ADGRG7: variants seen among roughly 807,000 people sequenced by gnomAD.
The protein encoded by ADGRG7 is G-protein coupled receptor 128.
A neutral mutation model predicts 88.6 loss-of-function variants in ADGRG7; 82 were observed. The ratio of observed to expected loss-of-function variants is 0.93; its 90% CI spans 0.77 to 1.11. ADGRG7 has a LOEUF of 1.11. Among genes scored for constraint, ADGRG7 ranks in the 50% most tolerant of loss-of-function variants. The pLI is 0.00. For missense variants in ADGRG7, 945 were observed against 953.4 expected (o/e 0.99, Z 0.12); for synonymous variants, 381 against 345.2 (o/e 1.10, Z -1.15).
chr3:100,692,385 C>A (rs2094995343), intron 15 of ADGRG7, among the ~76,000 whole-genome samples: 2 of 152,118 alleles, frequency 1.3e-5, no homozygotes, highest in Non-Finnish European at 2.9e-5. Flanking sequence ...TCTGACATTG[C>A]CAATTGATCC....
At chr3:100,651,475 T>C (rs902331178) in intron 11 of ADGRG7, among the ~76,000 whole-genome samples, 5 of 152,132 alleles carry the variant, frequency 3.3e-5, no homozygotes, top group African/African-American at 1.2e-4. Flanking sequence ...ATCAGATTTT[T>C]TTCCTCTTTC....
intron 14 of ADGRG7, chr3:100,665,531 G>A (rs1463145513): frequency 2.3e-6 from 1 of 441,222 alleles, no homozygotes; most frequent in Non-Finnish European, 4.5e-6. Flanking sequence ...TTTTCTAGTG[G>A]GACTATATCT....
chr3:100,669,186 A>C, intron 15 of ADGRG7, 81 bp downstream of exon 15: 1 of 1,206,682 alleles, frequency 8.3e-7, no homozygotes, highest in Non-Finnish European at 1.1e-6. Flanking sequence ...CCTTTAAGAG[A>C]CTATTTTAAA....
chr3:100,623,598 T>C (rs1189392417), intron 1 of ADGRG7, among the ~76,000 whole-genome samples: 1 of 152,204 alleles, frequency 6.6e-6, no homozygotes, highest in Non-Finnish European at 1.5e-5. Flanking sequence ...GTTTGTTACA[T>C]AGGTATACGT....
At chr3:100,622,602 G>A (rs1707329541) in intron 1 of ADGRG7, among the ~76,000 whole-genome samples, 1 of 151,830 alleles carries the variant, frequency 6.6e-6, no homozygotes, top group African/African-American at 2.4e-5. Flanking sequence ...GGGCTGCTTG[G>A]GTTCTTATTA....
chr3:100,627,442 T>C (rs1431282632), intron 1 of ADGRG7, among the ~76,000 whole-genome samples: 1 of 152,214 alleles, frequency 6.6e-6, no homozygotes, highest in Non-Finnish European at 1.5e-5. Flanking sequence ...ATTAGTTTTA[T>C]ATGTTGAGAG....
In ADGRG7 at chr3:100,635,800, A is replaced by C; in HGVS notation, c.571A>C (p.Asn191His). 1.2e-6 allele frequency: 2 copies of C among 1,613,286 alleles called. No individual in the cohort carries two copies. Among genetic ancestry groups the C allele is most frequent in the Non-Finnish European group, 1.7e-6 (2 of 1,179,758 alleles). ...TACGCGAGTGGTTGGACAGATATTC[A>C]ACACTTCCAGAAATGCTTCACCTGA... ...SATRVVGQIF[N>H]TSRNASPEAK... Residue 191 changes from asparagine (N) to histidine (H), a missense_variant, in exon 5 of 16, where the codon AAC becomes CAC. Asn to His is a moderately conservative substitution (Grantham distance 68, BLOSUM62 1). Coordinates refer to ENST00000273352, the MANE Select transcript of ADGRG7 (RefSeq NM_032787.3).
At chr3:100,616,857 T>C (rs1050407146) in intron 1 of ADGRG7, among the ~76,000 whole-genome samples, 8 of 151,986 alleles carry the variant, frequency 5.3e-5, no homozygotes, top group Non-Finnish European at 1.2e-4. Context: ...CTCCACACCC[T>C]AATAATTACA....
intron 1 of ADGRG7, among the ~76,000 whole-genome samples, chr3:100,624,640 G>A (rs920644802): frequency 2.6e-5 from 4 of 152,226 alleles, no homozygotes; most frequent in African/African-American, 7.2e-5. Flanking sequence ...TATTGCCTAG[G>A]TTTTCTTCTA....
intron 10 of ADGRG7, among the ~76,000 whole-genome samples, chr3:100,647,292 A>G (rs1212231632): frequency 6.6e-6 from 1 of 152,226 alleles, no homozygotes; most frequent in Non-Finnish European, 1.5e-5. Flanking sequence ...CATGTGCGAA[A>G]GAAAAGCTGG....
chr3:100,637,510 G>T, intron 6 of ADGRG7, 108 bp downstream of exon 6: 2 of 737,352 alleles, frequency 2.7e-6, no homozygotes, highest in Non-Finnish European at 4.6e-6. Context: ...TGCAGTAACT[G>T]ACTGATTCCT....
At position 100,695,041 on chromosome 3, in the gene ADGRG7, G is replaced by A. The variant is rs369402410; in HGVS notation, c.*40G>A. 2.0e-5 allele frequency: 32 copies of A among 1,584,742 alleles called. No homozygotes were observed. Among genetic ancestry groups the A allele is most frequent in the African/African-American group, 1.8e-4 (13 of 73,692 alleles). ...CTGTTGTGGTCTTTTTAATCACCTC[G>A]TTTGAGTTTTATCTGTTTCTCTCCT... On this transcript the variant is annotated 3_prime_UTR_variant, in exon 16 of 16. Coordinates refer to ENST00000273352, the MANE Select transcript of ADGRG7 (RefSeq NM_032787.3).
chr3:100,675,603 A>G (rs1347409998), intron 15 of ADGRG7, among the ~76,000 whole-genome samples: 1 of 152,094 alleles, frequency 6.6e-6, no homozygotes, highest in East Asian at 1.9e-4. Context: ...TTTTGGCACC[A>G]GGGTAATACT....
chr3:100,674,734 C>A (rs985941242), intron 15 of ADGRG7, among the ~76,000 whole-genome samples: 4 of 151,990 alleles, frequency 2.6e-5, no homozygotes, highest in Non-Finnish European at 5.9e-5. Context: ...TGTGCCACCA[C>A]CCCTAGCTAA....
intron 15 of ADGRG7, among the ~76,000 whole-genome samples, chr3:100,673,207 T>A (rs569854265): frequency 8.5e-5 from 13 of 152,322 alleles, no homozygotes; most frequent in Admixed American, 3.9e-4. Flanking sequence ...TTACTTTTTT[T>A]GATTGGTAGG....
intron 1 of ADGRG7, among the ~76,000 whole-genome samples, chr3:100,622,504 T>C (rs762797098): frequency 6.6e-6 from 1 of 152,174 alleles, no homozygotes; most frequent in Non-Finnish European, 1.5e-5. Flanking sequence ...ATGACTAAGA[T>C]GCTGAGTCTT....
chr3:100,622,026 G>C (rs972809775), intron 1 of ADGRG7, among the ~76,000 whole-genome samples: 2 of 152,108 alleles, frequency 1.3e-5, no homozygotes, highest in Non-Finnish European at 2.9e-5. Context: ...TTCATGTTAC[G>C]GTTTGTGCTC....
intron 3 of ADGRG7, among the ~76,000 whole-genome samples, chr3:100,632,368 C>T (rs1707469932): frequency 6.6e-6 from 1 of 152,032 alleles, no homozygotes; most frequent in Non-Finnish European, 1.5e-5. Context: ...TGGCAATTTT[C>T]CTTTTAGTCT....
At chr3:100,643,164 C>T in intron 6 of ADGRG7, 102 bp from the exon 7 acceptor site, 1 of 1,045,118 alleles carries the variant, frequency 9.6e-7, no homozygotes, top group African/African-American at 1.6e-5. Flanking sequence ...CATGACCACA[C>T]AATTCTATGC....
Sources: gnomAD v4.1 joint callset for allele counts (sites outside exome capture counted in the v4.1 genomes callset) on GRCh38, gnomAD v4.1.1 for gene constraint, MANE v1.5 for transcripts, NCBI Gene and HGNC (gene_info 2026-07-23, HGNC 2026-07-21) for gene names.